The following TMEM35B variants were observed in gnomAD, a reference collection of about 807,000 sequenced individuals.
TMEM35B encodes ZMYM6 neighbor protein.
A neutral mutation model predicts 8.7 loss-of-function variants in TMEM35B; 6 were observed. The ratio of observed to expected loss-of-function variants is 0.69; its 90% CI spans 0.38 to 1.36. The LOEUF is 1.36. Among genes scored for constraint, TMEM35B ranks in the 40% most tolerant of loss-of-function variants. The probability of loss-of-function intolerance (pLI) is 0.02; values close to 1 mark genes in which losing one functional copy is unlikely to be tolerated. For missense variants in TMEM35B, 176 were observed against 181.6 expected (o/e 0.97, Z 0.18); for synonymous variants, 89 against 87.0 (o/e 1.02, Z -0.13).
At chr1:34,985,292 A>G (rs1640561593) in exon 1 of TMEM35B, 1 of 1,535,048 alleles carries the variant, frequency 6.5e-7, no homozygotes, top group Non-Finnish European at 8.8e-7. Flanking sequence ...CAGCACCGAA[A>G]GCAGGAGCGC....
rs1295466732 is a variant in TMEM35B at position 34,983,852 on chromosome 1, C to T, written c.204G>A (p.Leu68=). 3.2e-6 allele frequency: 5 copies of T among 1,546,364 alleles called. No individual in the cohort carries two copies. The Admixed American group carries it at 8.0e-5, about 25-fold the overall frequency. The change falls in exon 2 of 3, where the codon CTG becomes CTA. Residue 68 remains leucine (L), a synonymous_variant. Coordinates refer to ENST00000373337, the Ensembl canonical transcript of TMEM35B. ...CCAGCAGCAACCCAGCCAGCAGTTCCAGAAAGCCCACAGCTATTTGGTAGT... is the reference window on the plus strand; with the variant it reads ...CCAGCAGCAACCCAGCCAGCAGTTCTAGAAAGCCCACAGCTATTTGGTAGT...
At chr1:34,982,777 T>G (rs1640521570) in intron 2 of TMEM35B, among the ~76,000 whole-genome samples, 1 of 152,070 alleles carries the variant, frequency 6.6e-6, no homozygotes, top group South Asian at 2.1e-4. Context: ...GTCTGGCCCC[T>G]TCTCCTTTCT....
At chr1:34,982,457 C>CTATT (rs1640518129) in intron 2 of TMEM35B, among the ~76,000 whole-genome samples, 1 of 129,740 alleles carries the variant, frequency 7.7e-6, no homozygotes, top group Admixed American at 8.0e-5. Context: ...TTCTCCTTTC[C>CTATT]TTTTTTTTTT....
chr1:34,984,057 C>T, intron 1 of TMEM35B, 110 bp from the exon 2 acceptor site: 1 of 1,113,358 alleles, frequency 9.0e-7, no homozygotes, highest in Non-Finnish European at 1.2e-6. Flanking sequence ...GAGAAAAGAA[C>T]TACTACTCTA....
Position 34,985,320 on chromosome 1 carries a change from C to T in TMEM35B, c.-15G>A, listed in dbSNP as rs566317990. ...AGGAGCGCCATGGCCGCGCTCCCCC[C>T]ACCGTGGGTTGGCCCCGCCGAAAAC... On this transcript the variant is annotated 5_prime_UTR_variant, in exon 1 of 3. Transcript: ENST00000373337. 42 of 1,522,806 alleles carry T rather than the reference C, an allele frequency of 2.8e-5. No individual in the cohort carries two copies. The African/African-American group carries it at 3.2e-4, about 12-fold the overall frequency. The allele number at this position is 1,522,806 out of a possible 1,614,324, so 94.3% of individuals were successfully genotyped here.
Position 34,985,158 on chromosome 1 carries a change from C to T in TMEM35B, c.108+40G>A, listed in dbSNP as rs1205354007. ...GAGCGGCAGGGCGGAGCACACGCCG[C>T]CGCGGGCCCGATCCCCTGCCGCCCG... On this transcript the variant is annotated intron_variant, in intron 1 of 2. Coordinates refer to ENST00000373337, the Ensembl canonical transcript of TMEM35B. 4.0e-6 allele frequency: 6 copies of T among 1,484,878 alleles called. No individual in the cohort carries two copies. The East Asian group carries it at 1.4e-4, about 34-fold the overall frequency. 92.0% of individuals were successfully genotyped at this position (1,484,878 alleles called of 1,614,324 possible). A position where few individuals can be genotyped will look rare whatever the true frequency, so the allele number is the denominator to read the frequency against.
exon 3 of TMEM35B, chr1:34,982,103 C>T: frequency 6.5e-7 from 1 of 1,546,550 alleles, no homozygotes; most frequent in African/African-American, 1.4e-5. Flanking sequence ...TCAGAGCTGC[C>T]AAGGTGAAGA....
In TMEM35B at chr1:34,983,578, C is replaced by CAA. The variant is rs1163962621; in HGVS notation, c.289+187_289+188dup. Among the ~76,000 whole-genome samples the CAA allele has an allele frequency of 7.9e-3, 184 of 23,170 alleles. 16 individuals are homozygous for CAA. The highest frequency in any genetic ancestry group is 0.01 in the Admixed American group (20 of 1,960). The allele number at this position is 23,170 out of a possible 152,430, so 15.2% of individuals were successfully genotyped here. A position where few individuals can be genotyped will look rare whatever the true frequency, so the allele number is the denominator to read the frequency against. ...TGGGCGAAAGAGCGAGACTCCATCTCAAAAAAAAAAAAAAAAAAAAAAAAA... is the reference window on the plus strand; with the variant it reads ...TGGGCGAAAGAGCGAGACTCCATCTCAAAAAAAAAAAAAAAAAAAAAAAAAAA... On this transcript the variant is annotated intron_variant, in intron 2 of 2. Coordinates refer to ENST00000373337, the Ensembl canonical transcript of TMEM35B.
intron 1 of TMEM35B, among the ~76,000 whole-genome samples, chr1:34,984,156 C>T (rs933184568): frequency 6.6e-6 from 1 of 152,220 alleles, no homozygotes; most frequent in Non-Finnish European, 1.5e-5. Flanking sequence ...CTCCATGCTC[C>T]AAGTGGTACA....
At chr1:34,983,611 G>GTGC (rs1640531352) in intron 2 of TMEM35B, among the ~76,000 whole-genome samples, 156 bp downstream of exon 2, 1 of 125,460 alleles carries the variant, frequency 8.0e-6, no homozygotes, top group African/African-American at 4.1e-5. Context: ...AAAAATACCT[G>GTGC]TGCTAGTTTG....
In TMEM35B at chr1:34,983,724, C is replaced by T. The variant is rs1273413726; in HGVS notation, c.289+43G>A. The stretch of plus-strand genomic sequence containing the variant: ...AACAGCCAGGTCTTTCCATAATCCT[C>T]CCCCAGAAGACCCCATTTTCTCAGG... On this transcript the variant is annotated intron_variant, in intron 2 of 2. Coordinates refer to ENST00000373337, the Ensembl canonical transcript of TMEM35B. 14 of 1,423,524 alleles carry T rather than the reference C, an allele frequency of 9.8e-6. No homozygotes were observed. The Middle Eastern group carries it at 9.4e-4, about 96-fold the overall frequency. The allele number at this position is 1,423,524 out of a possible 1,614,324, so 88.2% of individuals were successfully genotyped here.
At chr1:34,983,603 A>AAG (rs1435206749) in intron 2 of TMEM35B, among the ~76,000 whole-genome samples, 164 bp downstream of exon 2, 2 of 145,380 alleles carry the variant, frequency 1.4e-5, no homozygotes, top group Non-Finnish European at 2.9e-5. Flanking sequence ...AAAAAAAAAA[A>AAG]AATACCTGTG....
intron 2 of TMEM35B, among the ~76,000 whole-genome samples, chr1:34,982,667 G>C (rs1640520224): frequency 6.6e-6 from 1 of 152,060 alleles, no homozygotes; most frequent in South Asian, 2.1e-4. Context: ...AGTAGAGACG[G>C]GGTTTCATCA....
intron 1 of TMEM35B, among the ~76,000 whole-genome samples, chr1:34,984,375 G>C (rs1220080800): frequency 1.3e-5 from 2 of 152,180 alleles, no homozygotes; most frequent in Admixed American, 1.3e-4. Context: ...GACTCTTCTT[G>C]TCAAGGCAGG....
intron 1 of TMEM35B, 63 bp downstream of exon 1, chr1:34,985,135 G>T: frequency 7.7e-7 from 1 of 1,301,310 alleles, no homozygotes; most frequent in Non-Finnish European, 1.0e-6. Context: ...GGGGCGAGGA[G>T]CGGCAGGGCG....
chr1:34,985,129 C>A, intron 1 of TMEM35B, 69 bp downstream of exon 1: 1 of 1,252,440 alleles, frequency 8.0e-7, no homozygotes, highest in Admixed American at 3.6e-5. Context: ...GGGCCGGGGG[C>A]GAGGAGCGGC....
Position 34,981,971 on chromosome 1 carries a change from TAG to T in TMEM35B, c.436_437del (p.Leu146LysfsTer45), listed in dbSNP as rs1640510918. On this transcript the variant is annotated frameshift_variant, in exon 3 of 3. Transcript: ENST00000373337. LOFTEE classifies it low-confidence loss of function (END_TRUNC). ...ACTTCCAGGATTCCTTGAATGTACT[TAG>T]AGTCTTCTTCCTAGTGGGTCTGACC... The T allele has an allele frequency of 1.3e-6, 2 of 1,547,384 alleles. No homozygotes were observed. Among genetic ancestry groups the T allele is most frequent in the South Asian group, 1.2e-5 (1 of 83,510 alleles).
intron 2 of TMEM35B, among the ~76,000 whole-genome samples, chr1:34,983,204 A>T (rs2148438175): frequency 1.3e-5 from 2 of 152,334 alleles, no homozygotes; most frequent in Middle Eastern, 6.8e-3. Flanking sequence ...TTCACAAGGC[A>T]ATACTATGCA....
At chr1:34,983,299 C>T (rs941052400) in intron 2 of TMEM35B, among the ~76,000 whole-genome samples, 1 of 152,084 alleles carries the variant, frequency 6.6e-6, no homozygotes, top group Admixed American at 6.5e-5. Flanking sequence ...CTGTGCTAGG[C>T]CGGGCATAGT....
Sources: gnomAD v4.1 joint callset for allele counts (sites outside exome capture counted in the v4.1 genomes callset) on GRCh38, gnomAD v4.1.1 for gene constraint, MANE v1.5 for transcripts, NCBI Gene and HGNC (gene_info 2026-07-23, HGNC 2026-07-21) for gene names.